The following CACNA2D3 variants were observed in gnomAD, a reference collection of about 807,000 sequenced individuals.
CACNA2D3 encodes calcium voltage-gated channel auxiliary subunit alpha2delta 3, also known as voltage-dependent calcium channel subunit alpha-2/delta-3.
A neutral mutation model predicts 160.6 loss-of-function variants in CACNA2D3; 60 were observed. The ratio of observed to expected loss-of-function variants is 0.37; its 90% CI spans 0.30 to 0.46. The LOEUF is 0.46. Ranked by LOEUF, CACNA2D3 falls within the 20% of genes least tolerant of loss-of-function variation. The probability of loss-of-function intolerance (pLI) is 1.00; values close to 1 mark genes in which losing one functional copy is unlikely to be tolerated. For missense variants in CACNA2D3, 1,205 were observed against 1,365.0 expected (o/e 0.88, Z 1.85); for synonymous variants, 558 against 492.9 (o/e 1.13, Z -1.75).
chr3:54,960,569 C>T (rs1702007059), intron 27 of CACNA2D3, among the ~76,000 whole-genome samples: 1 of 152,112 alleles, frequency 6.6e-6, no homozygotes, highest in Non-Finnish European at 1.5e-5. Flanking sequence ...ATGCATATTG[C>T]TTTGATCTAA....
chr3:54,658,057 C>G (rs555684733), intron 11 of CACNA2D3, among the ~76,000 whole-genome samples: 1 of 152,300 alleles, frequency 6.6e-6, no homozygotes, highest in Admixed American at 6.5e-5. Flanking sequence ...TATGTGTACA[C>G]TACATTTTCT....
At chr3:54,546,711 CG>C (rs1306397648) in intron 5 of CACNA2D3, among the ~76,000 whole-genome samples, 15 of 31,814 alleles carry the variant, frequency 4.7e-4, no homozygotes, top group Admixed American at 9.4e-4. Flanking sequence ...CACACACACG[CG>C]CGCACACACA....
Position 54,320,471 on chromosome 3 carries a change from C to T in CACNA2D3, c.234C>T (p.Ala78=). The part of the protein sequence containing the change: ...KKYKEYEKDV[A]IEEIDGLQLV... ...ACAAAGAGTATGAGAAAGACGTTGC[C>T]ATAGAAGAAATTGATGGCCTCCAAC... The change falls in exon 3 of 38, where the codon GCC becomes GCT. Residue 78 remains alanine (A), a synonymous_variant. Coordinates refer to ENST00000474759, the MANE Select transcript of CACNA2D3 (RefSeq NM_018398.3). The T allele has an allele frequency of 6.4e-7, 1 of 1,559,680 alleles. No individual in the cohort carries two copies. The highest frequency in any genetic ancestry group is 8.7e-7 in the Non-Finnish European group (1 of 1,150,370).
At chr3:54,300,808 C>T (rs1034682408) in intron 2 of CACNA2D3, among the ~76,000 whole-genome samples, 4 of 151,888 alleles carry the variant, frequency 2.6e-5, no homozygotes, top group Non-Finnish European at 4.4e-5. Flanking sequence ...TGAGGCCACA[C>T]GTTCAAGACC....
intron 11 of CACNA2D3, among the ~76,000 whole-genome samples, chr3:54,747,383 C>T (rs1473900081): frequency 6.6e-6 from 1 of 152,116 alleles, no homozygotes; most frequent in African/African-American, 2.4e-5. Flanking sequence ...CTCCTACTTA[C>T]TACCTCTGTT....
In CACNA2D3 at chr3:54,968,443, G is replaced by T. The variant is rs770273642; in HGVS notation, c.2450-7G>T. 1.3e-6 allele frequency: 2 copies of T among 1,596,242 alleles called. No individual in the cohort carries two copies. The highest frequency in any genetic ancestry group is 1.3e-5 in the African/African-American group (1 of 74,596). On this transcript the variant is annotated splice_polypyrimidine_tract_variant and splice_region_variant and intron_variant, in intron 27 of 37. Coordinates refer to ENST00000474759, the MANE Select transcript of CACNA2D3 (RefSeq NM_018398.3). ...TAATGCCTTGTTTTATTTATAATTT[G>T]TCCCAGCTGTAGGCATTCAGATGAA...
chr3:54,817,502 G>A lies in CACNA2D3; in HGVS notation c.1398+632G>A, dbSNP rs140353253. Among the ~76,000 whole-genome samples the A allele has an allele frequency of 6.2e-3, 937 of 152,332 alleles. 9 individuals are homozygous for A. The highest frequency in any genetic ancestry group is 0.021 in the African/African-American group (886 of 41,568). On this transcript the variant is annotated intron_variant, in intron 14 of 37. Transcript: ENST00000474759. ...CTTTGCTGTGTCACCCTCATAGCATGTCGTTGTATCCTAAGGACATTTATG... is the reference window on the plus strand; with the variant it reads ...CTTTGCTGTGTCACCCTCATAGCATATCGTTGTATCCTAAGGACATTTATG...
intron 2 of CACNA2D3, among the ~76,000 whole-genome samples, chr3:54,291,143 T>A (rs1272654657): frequency 6.6e-6 from 1 of 152,236 alleles, no homozygotes; most frequent in African/African-American, 2.4e-5. Flanking sequence ...AAATTGTTGC[T>A]TTTAACTAGC....
intron 9 of CACNA2D3, among the ~76,000 whole-genome samples, chr3:54,611,686 G>A (rs1451832928): frequency 6.6e-6 from 1 of 152,136 alleles, no homozygotes; most frequent in Non-Finnish European, 1.5e-5. Flanking sequence ...GAAAGGGGGT[G>A]GAGTGCAGAG....
intron 11 of CACNA2D3, among the ~76,000 whole-genome samples, chr3:54,678,522 G>A (rs1232505304): frequency 1.3e-5 from 2 of 151,686 alleles, no homozygotes; most frequent in Non-Finnish European, 2.9e-5. Context: ...GGAGTTTGAG[G>A]CCAGCCTGGC....
intron 17 of CACNA2D3, among the ~76,000 whole-genome samples, chr3:54,860,395 C>T (rs1699265977): frequency 6.6e-6 from 1 of 152,046 alleles, no homozygotes; most frequent in Non-Finnish European, 1.5e-5. Context: ...CTAGCTGCAC[C>T]CCAGGAAGAG....
At chr3:54,614,476 G>T (rs1439220792) in intron 9 of CACNA2D3, among the ~76,000 whole-genome samples, 2 of 152,190 alleles carry the variant, frequency 1.3e-5, no homozygotes, top group Non-Finnish European at 2.9e-5. Flanking sequence ...TGCCTGTCAG[G>T]TTTTTGGAGT....
At chr3:54,288,547 A>C (rs898541803) in intron 2 of CACNA2D3, among the ~76,000 whole-genome samples, 1 of 152,180 alleles carries the variant, frequency 6.6e-6, no homozygotes, top group African/African-American at 2.4e-5. Context: ...ATAGAAAAAG[A>C]GGGAATCCTC....
intron 4 of CACNA2D3, among the ~76,000 whole-genome samples, chr3:54,482,722 C>G (rs1024262843): frequency 6.6e-6 from 1 of 152,158 alleles, no homozygotes; most frequent in Non-Finnish European, 1.5e-5. Flanking sequence ...CACTGGGTCT[C>G]GGAGCTCTCC....
intron 29 of CACNA2D3, 55 bp from the exon 30 acceptor site, chr3:54,984,553 G>A: frequency 9.9e-7 from 1 of 1,005,720 alleles, no homozygotes; most frequent in Non-Finnish European, 1.5e-6. Flanking sequence ...AAAGCAGTGT[G>A]ATGGCCCGAA....
At chr3:54,723,671 G>A (rs576788893) in intron 11 of CACNA2D3, among the ~76,000 whole-genome samples, 2 of 152,216 alleles carry the variant, frequency 1.3e-5, no homozygotes, top group Non-Finnish European at 2.9e-5. Flanking sequence ...CCAGGGTGAG[G>A]TGATGTCCCA....
At chr3:54,282,027 AACC>A (rs1424337558) in intron 2 of CACNA2D3, among the ~76,000 whole-genome samples, 3 of 152,256 alleles carry the variant, frequency 2.0e-5, no homozygotes, top group Non-Finnish European at 4.4e-5. Context: ...AAGCATGACT[AACC>A]ACAGCAGTGA....
At position 54,886,335 on chromosome 3, in the gene CACNA2D3, T is replaced by C. The variant is rs372437197; in HGVS notation, c.2056+749T>C. 5.9e-5 allele frequency among the ~76,000 whole-genome samples: 9 copies of C among 152,360 alleles called. No individual in the cohort carries two copies. In the East Asian group the frequency reaches 9.6e-4, roughly 16 times the overall value. ...CATCTCCATAGAATGGATTTACTTT[T>C]TGGGATATGCCCTGGTGGGGAAAGG... On this transcript the variant is annotated intron_variant, in intron 23 of 37. Coordinates refer to ENST00000474759, the MANE Select transcript of CACNA2D3 (RefSeq NM_018398.3).
chr3:54,910,952 C>T (rs1700542342), intron 27 of CACNA2D3, among the ~76,000 whole-genome samples: 1 of 152,080 alleles, frequency 6.6e-6, no homozygotes. Flanking sequence ...CAAAAGTAGA[C>T]AGAAAAAAAT....
Sources: gnomAD v4.1 joint callset for allele counts (sites outside exome capture counted in the v4.1 genomes callset) on GRCh38, gnomAD v4.1.1 for gene constraint, MANE v1.5 for transcripts, NCBI Gene and HGNC (gene_info 2026-07-23, HGNC 2026-07-21) for gene names.